FRYL: variants seen among roughly 807,000 people sequenced by gnomAD.
FRYL encodes the protein FRY like transcription coactivator.
In FRYL, 150 loss-of-function variants were observed where a neutral mutation model predicts 351.2. That is an observed-to-expected ratio of 0.43 (90% CI 0.37 to 0.49). The LOEUF is 0.49. FRYL is among the 20% of genes least tolerant of loss of function. The pLI, the probability that FRYL is intolerant of heterozygous loss-of-function variation, is 0.00. For missense variants in FRYL, 3,036 were observed against 3,619.3 expected, an observed-to-expected ratio of 0.84 and a Z score of 4.13; for synonymous variants, 1,153 against 1,257.1, an observed-to-expected ratio of 0.92 and a Z score of 1.75.
intron 3 of FRYL, among the ~76,000 whole-genome samples, chr4:48,673,248 GAC>G (rs1412267638): frequency 2.0e-5 from 3 of 152,164 alleles, no homozygotes; most frequent in Non-Finnish European, 4.4e-5. Context: ...GATCATTAAA[GAC>G]AGTTTCAAAG....
At chr4:48,755,302 T>C (rs1185618974) in intron 1 of FRYL, among the ~76,000 whole-genome samples, 1 of 152,192 alleles carries the variant, frequency 6.6e-6, no homozygotes, top group Non-Finnish European at 1.5e-5. Context: ...TTCCATTAAG[T>C]TAACCCTAGA....
chr4:48,769,644 T>C (rs748830755), intron 1 of FRYL, among the ~76,000 whole-genome samples: 1 of 152,216 alleles, frequency 6.6e-6, no homozygotes, highest in Non-Finnish European at 1.5e-5. Flanking sequence ...AGCAGCTTTT[T>C]AGTTAACAGC....
At chr4:48,564,311 G>A (rs577958985) in intron 30 of FRYL, among the ~76,000 whole-genome samples, 3 of 152,274 alleles carry the variant, frequency 2.0e-5, no homozygotes, top group African/African-American at 4.8e-5. Flanking sequence ...CTTTTTACGC[G>A]AGCCTCTCTA....
chr4:48,498,056 T>C lies in FRYL; in HGVS notation c.*1366A>G, dbSNP rs561047502. On this transcript the variant is annotated 3_prime_UTR_variant, in exon 64 of 64. Coordinates refer to ENST00000358350, the MANE Select transcript of FRYL (RefSeq NM_015030.2). ...CAAGGTGTTTCTTTCAAATCAGGAG[T>C]TGTGGGACTACATTCTTTTTTTTTT... is the stretch of plus-strand genomic sequence containing the variant. The C allele has an allele frequency of 6.6e-6, 1 of 152,140 alleles. No individual in the cohort carries two copies. Among genetic ancestry groups the C allele is most frequent in the African/African-American group, 2.4e-5 (1 of 41,464 alleles). 9.4% of individuals were successfully genotyped at this position (152,140 alleles called of 1,614,324 possible). A position where few individuals can be genotyped will look rare whatever the true frequency, so the allele number is the denominator to read the frequency against.
At chr4:48,726,066 G>C (rs1286633592) in intron 1 of FRYL, among the ~76,000 whole-genome samples, 1 of 152,156 alleles carries the variant, frequency 6.6e-6, no homozygotes, top group Non-Finnish European at 1.5e-5. Context: ...TAATGACCTT[G>C]AAATTCTTAA....
chr4:48,657,608 AT>A (rs1759522396), intron 3 of FRYL, among the ~76,000 whole-genome samples: 1 of 152,102 alleles, frequency 6.6e-6, no homozygotes, highest in South Asian at 2.1e-4. Context: ...ATTGTATCAC[AT>A]ACCTCATCAC....
chr4:48,702,455 CAAAAAAAAAAAAAAAAAAAAAAAAAA>C (rs34675617), intron 2 of FRYL, among the ~76,000 whole-genome samples: 1 of 29,430 alleles, frequency 3.4e-5, no homozygotes, highest in Admixed American at 6.1e-4. Flanking sequence ...GACTCTGTCT[CAAAAAAAAAAAAAAAAAAAAAAAAAA>C]AAAAAAAAAA....
intron 1 of FRYL, among the ~76,000 whole-genome samples, chr4:48,745,793 G>A (rs1326966446): frequency 6.6e-6 from 1 of 152,038 alleles, no homozygotes; most frequent in Admixed American, 6.5e-5. Flanking sequence ...GATACTAAAG[G>A]AAGAAAGACT....
At chr4:48,589,123 A>G (rs973218245) in intron 18 of FRYL, among the ~76,000 whole-genome samples, 1 of 152,172 alleles carries the variant, frequency 6.6e-6, no homozygotes, top group Non-Finnish European at 1.5e-5. Flanking sequence ...TAATATCCAG[A>G]AGAATCTCCT....
intron 27 of FRYL, among the ~76,000 whole-genome samples, chr4:48,569,383 A>G (rs1190859501): frequency 1.3e-5 from 2 of 152,020 alleles, no homozygotes; most frequent in African/African-American, 4.8e-5. Context: ...CTTGGCTCAC[A>G]GCAACCTCCA....
rs575600334 is a variant in FRYL, at chr4:48,671,834, G to A, written c.-81+12839C>T. Among the ~76,000 whole-genome samples the A allele has an allele frequency of 9.1e-5, 11 of 120,420 alleles. No individual in the cohort carries two copies. In the East Asian group the frequency reaches 2.9e-3, roughly 31 times the overall value. 79.0% of individuals were successfully genotyped at this position (120,420 alleles called of 152,430 possible). ...CGCCACTGCACTCCAGCCTGGGCGA[G>A]AGAGAGAGACTCCGTCTCAAAAACA... On this transcript the variant is annotated intron_variant, in intron 3 of 63. Transcript: ENST00000358350.
intron 33 of FRYL, among the ~76,000 whole-genome samples, chr4:48,558,721 T>A (rs556592143): frequency 6.6e-6 from 1 of 152,326 alleles, no homozygotes; most frequent in East Asian, 1.9e-4. Flanking sequence ...GCCTATGATG[T>A]GCCTGTTACT....
intron 2 of FRYL, among the ~76,000 whole-genome samples, chr4:48,708,476 A>G (rs1342481164): frequency 6.6e-6 from 1 of 151,938 alleles, no homozygotes; most frequent in Non-Finnish European, 1.5e-5. Flanking sequence ...CAAACAAACA[A>G]ACACTGCGTA....
chr4:48,728,506 T>A (rs1029908786), intron 1 of FRYL, among the ~76,000 whole-genome samples: 1 of 151,644 alleles, frequency 6.6e-6, no homozygotes, highest in African/African-American at 2.4e-5. Flanking sequence ...ATGTCAGATA[T>A]CAAACCAGAT....
intron 16 of FRYL, 21 bp from the exon 17 acceptor site, chr4:48,590,851 A>G: frequency 6.3e-7 from 1 of 1,581,184 alleles, no homozygotes; most frequent in Non-Finnish European, 8.6e-7. Flanking sequence ...AAAAAATGCA[A>G]AAGGAAGAGA....
At chr4:48,746,988 T>A (rs1772750854) in intron 1 of FRYL, among the ~76,000 whole-genome samples, 1 of 152,206 alleles carries the variant, frequency 6.6e-6, no homozygotes, top group Non-Finnish European at 1.5e-5. Context: ...TTGTGTCTTT[T>A]AAAAACGACT....
At chr4:48,539,391 CT>C (rs1337757356) in intron 47 of FRYL, among the ~76,000 whole-genome samples, 31 of 152,154 alleles carry the variant, frequency 2.0e-4, no homozygotes, top group African/African-American at 7.0e-4. Flanking sequence ...GAACTCCACT[CT>C]TTGCCTCTCA....
chr4:48,533,204 T>G (rs1450545628), intron 49 of FRYL, among the ~76,000 whole-genome samples: 1 of 152,132 alleles, frequency 6.6e-6, no homozygotes, highest in Non-Finnish European at 1.5e-5. Flanking sequence ...TACCTATGGT[T>G]CAGAAGGTAG....
At chr4:48,566,276 C>T (rs1335815835) in intron 28 of FRYL, among the ~76,000 whole-genome samples, 1 of 152,182 alleles carries the variant, frequency 6.6e-6, no homozygotes, top group African/African-American at 2.4e-5. Context: ...CTTTGAGAAA[C>T]ACCAAAGTTT....
Sources: allele counts gnomAD v4.1 joint callset (sites outside exome capture counted in the v4.1 genomes callset), GRCh38; gene constraint gnomAD v4.1.1; transcripts MANE v1.5; gene names NCBI Gene and HGNC (gene_info 2026-07-23, HGNC 2026-07-21).